The following ANKDD1A variants were observed in gnomAD, a reference collection of about 807,000 sequenced individuals.
The protein encoded by ANKDD1A is ankyrin repeat and death domain-containing protein 1A.
Under a neutral mutation model 63.5 loss-of-function variants are expected in ANKDD1A, and 59 were observed. The ratio of observed to expected loss-of-function variants is 0.93; its 90% CI spans 0.75 to 1.15. The LOEUF (loss-of-function observed/expected upper bound fraction) is 1.15. Ranked by LOEUF, ANKDD1A falls within the 50% of genes most tolerant of loss-of-function variation. The probability of loss-of-function intolerance (pLI) is 0.00; values close to 1 mark genes in which losing one functional copy is unlikely to be tolerated. For synonymous variants in ANKDD1A, 266 were observed against 263.9 expected (o/e 1.01, Z -0.08); for missense variants, 632 against 656.4 (o/e 0.96, Z 0.41).
In ANKDD1A at chr15:64,952,059, GTTC is replaced by G. The variant is rs995815363; in HGVS notation, c.1483+2091_1483+2093del. ...TCTTTCCTCTTCTTTCTTCTTCTTA[GTTC>G]TTCCTTTCTTCTTCTTCCTTCTTTT... On this transcript the variant is annotated intron_variant, in intron 14 of 14. Transcript: ENST00000319580. Among the ~76,000 whole-genome samples, 13 of 71,672 alleles carry G rather than the reference GTTC, an allele frequency of 1.8e-4. No individual in the cohort carries two copies. The East Asian group carries it at 2.7e-3, about 15-fold the overall frequency. 47.0% of individuals were successfully genotyped at this position (71,672 alleles called of 152,430 possible).
chr15:64,953,614 C>CCCT (rs1555397852), intron 14 of ANKDD1A, among the ~76,000 whole-genome samples: 968 of 19,950 alleles, frequency 0.049, 25 homozygotes, highest in Non-Finnish European at 0.1. Flanking sequence ...TTTCTTCTCT[C>CCCT]CTTCTTCTTC....
In ANKDD1A at chr15:64,922,000, A is replaced by C. The variant is rs772696532; in HGVS notation, c.347A>C (p.Lys116Thr). Reference sequence around the variant, plus strand: ...CAGATCTTGGTAAACTCAGGGGCCAAGATCCACTGTGAGAGCAAGGTAAGG... The same window carrying C: ...CAGATCTTGGTAAACTCAGGGGCCACGATCCACTGTGAGAGCAAGGTAAGG... ...ILQILVNSGA[K>T]IHCESKDGLT... is the part of the protein sequence containing the mutation. The change falls in exon 4 of 15, where the codon AAG becomes ACG. Residue 116 changes from lysine (K) to threonine (T), a missense_variant. Coordinates refer to ENST00000319580, the MANE Select transcript of ANKDD1A (RefSeq NM_182703.6). 6.2e-7 allele frequency: 1 copy of C among 1,614,176 alleles called. No individual in the cohort carries two copies. The highest frequency in any genetic ancestry group is 2.2e-5 in the East Asian group (1 of 44,872).
intron 9 of ANKDD1A, among the ~76,000 whole-genome samples, chr15:64,938,670 G>A (rs2085155134): frequency 6.6e-6 from 1 of 152,152 alleles, no homozygotes. Flanking sequence ...AGAAACTAAG[G>A]GCCAGACGCA....
rs76633124 is a variant in ANKDD1A, at chr15:64,950,418, G to T, written c.1483+446G>T. The T allele has an allele frequency of 2.1e-3, 2,102 of 985,374 alleles. 51 individuals carry two copies. The African/African-American group carries it at 0.035, about 16-fold the overall frequency. The allele number at this position is 985,374 out of a possible 1,614,324, so 61.0% of individuals were successfully genotyped here. A position where few individuals can be genotyped will look rare whatever the true frequency, so the allele number is the denominator to read the frequency against. ...TCTGAGGTCATCACAACTTATTTGAGTATGCCAATCTCAAAAGCCTGATAT... is the reference window on the plus strand; with the variant it reads ...TCTGAGGTCATCACAACTTATTTGATTATGCCAATCTCAAAAGCCTGATAT... On this transcript the variant is annotated intron_variant, in intron 14 of 14. Transcript: ENST00000319580.
At chr15:64,939,705 CT>C (rs1166308369) in intron 9 of ANKDD1A, among the ~76,000 whole-genome samples, 16 of 152,068 alleles carry the variant, frequency 1.1e-4, no homozygotes, top group African/African-American at 3.9e-4. Flanking sequence ...ATACGCCCAG[CT>C]GATTTTTATT....
intron 14 of ANKDD1A, among the ~76,000 whole-genome samples, chr15:64,956,276 G>A (rs187919780): frequency 3.5e-3 from 521 of 147,982 alleles, no homozygotes; most frequent in Admixed American, 9.3e-3. Context: ...TTGGCCGGGC[G>A]CAGTGGCTCA....
At chr15:64,924,236 G>T (rs945782654) in intron 4 of ANKDD1A, among the ~76,000 whole-genome samples, 1 of 152,222 alleles carries the variant, frequency 6.6e-6, no homozygotes, top group African/African-American at 2.4e-5. Context: ...TCTTTAGGGA[G>T]TTCAGCCTAG....
intron 1 of ANKDD1A, among the ~76,000 whole-genome samples, chr15:64,913,636 A>G (rs963494937): frequency 6.6e-6 from 1 of 152,316 alleles, no homozygotes; most frequent in Admixed American, 6.5e-5. Flanking sequence ...GGTTGTATCC[A>G]TGAGGCCCCA....
Position 64,948,870 on chromosome 15 carries a change from G to C in ANKDD1A, c.1352-971G>C, listed in dbSNP as rs192722062. 9.2e-5 allele frequency among the ~76,000 whole-genome samples: 14 copies of C among 152,250 alleles called. No individual in the cohort carries two copies. In the East Asian group the frequency reaches 1.5e-3, roughly 17 times the overall value. ...TTCCTGACACAAAAATATGCAAATTGACATTTGCATATCAATTTGGGATAG... is the reference window on the plus strand; with the variant it reads ...TTCCTGACACAAAAATATGCAAATTCACATTTGCATATCAATTTGGGATAG... On this transcript the variant is annotated intron_variant, in intron 13 of 14. Transcript: ENST00000319580.
rs981409695 is a variant in ANKDD1A at position 64,933,583 on chromosome 15, C to A, written c.769-553C>A. On this transcript the variant is annotated intron_variant, in intron 8 of 14. Coordinates refer to ENST00000319580, the MANE Select transcript of ANKDD1A (RefSeq NM_182703.6). ...TCCTGGCCAGGTGCGGTGGCTCACGCCTGTAATCCCAGCACTTTGGGAGGC... is the reference window on the plus strand; with the variant it reads ...TCCTGGCCAGGTGCGGTGGCTCACGACTGTAATCCCAGCACTTTGGGAGGC... Among the ~76,000 whole-genome samples the A allele has an allele frequency of 6.0e-5, 9 of 151,236 alleles. 1 individual carries two copies. The highest frequency in any genetic ancestry group is 4.6e-4 in the Admixed American group (7 of 15,132).
intron 14 of ANKDD1A, among the ~76,000 whole-genome samples, chr15:64,951,720 C>CGTTATTCCTTTCTTTTCTTTCTTT (rs1276132353): frequency 7.3e-6 from 1 of 136,252 alleles, no homozygotes; most frequent in African/African-American, 2.7e-5. Flanking sequence ...TCTTTTTCTT[C>CGTTATTCCTTTCTTTTCTTTCTTT]CCTTTTCTTC....
chr15:64,943,444 C>A, intron 10 of ANKDD1A, 40 bp from the exon 11 acceptor site: 2 of 1,586,470 alleles, frequency 1.3e-6, no homozygotes, highest in Non-Finnish European at 8.7e-7. Context: ...GCCACCCCTA[C>A]ATGCTTTTCA....
chr15:64,954,704 C>T (rs1460704061), intron 14 of ANKDD1A, among the ~76,000 whole-genome samples: 2 of 125,502 alleles, frequency 1.6e-5, no homozygotes, highest in African/African-American at 6.3e-5. Flanking sequence ...TGTTCTTCTC[C>T]TTCTTCTTCT....
At chr15:64,927,378 G>A (rs1461519690) in intron 6 of ANKDD1A, among the ~76,000 whole-genome samples, 2 of 152,208 alleles carry the variant, frequency 1.3e-5, no homozygotes, top group African/African-American at 2.4e-5. Context: ...GTTGACAGAT[G>A]TGGGGAAGTG....
At chr15:64,922,883 T>G (rs1157284342) in intron 4 of ANKDD1A, among the ~76,000 whole-genome samples, 1 of 152,226 alleles carries the variant, frequency 6.6e-6, no homozygotes, top group African/African-American at 2.4e-5. Flanking sequence ...AATTTAGCTA[T>G]TTTCATATCA....
chr15:64,927,012 T>A lies in ANKDD1A; in HGVS notation c.570+13T>A. The A allele has an allele frequency of 6.2e-7, 1 of 1,614,048 alleles. No individual in the cohort carries two copies. Among genetic ancestry groups the A allele is most frequent in the South Asian group, 1.1e-5 (1 of 91,080 alleles). On this transcript the variant is annotated intron_variant, in intron 6 of 14. Transcript: ENST00000319580. ...TGTCAAAGACAAGGTACCGTGTCCG[T>A]GAGGCTCTGGGATCCTGACCAGGGT...
intron 1 of ANKDD1A, among the ~76,000 whole-genome samples, chr15:64,914,529 A>G (rs1357225077): frequency 6.6e-6 from 1 of 152,164 alleles, no homozygotes; most frequent in Non-Finnish European, 1.5e-5. Flanking sequence ...CCTGGCTTCA[A>G]GCCATCCTCC....
rs370698584 is a variant in ANKDD1A at position 64,926,090 on chromosome 15, G to A, written c.391G>A (p.Ala131Thr). ...SKDGLTLLHC[A>T]AQKGHVPVLA... ...GGATGGCCTGACCTTACTGCACTGC[G>A]CAGCCCAAAAAGGCCATGTGCCTGT... The change falls in exon 5 of 15, where the codon GCA becomes ACA. Residue 131 changes from alanine (A) to threonine (T), a missense_variant. Coordinates refer to ENST00000319580, the MANE Select transcript of ANKDD1A (RefSeq NM_182703.6). 3.9e-5 allele frequency: 63 copies of A among 1,613,686 alleles called. No homozygotes were observed. Among genetic ancestry groups the A allele is most frequent in the Non-Finnish European group, 4.4e-5 (52 of 1,179,946 alleles).
chr15:64,940,427 G>T (rs1214271062), intron 9 of ANKDD1A, among the ~76,000 whole-genome samples: 1 of 104,292 alleles, frequency 9.6e-6, no homozygotes, highest in African/African-American at 3.2e-5. Context: ...TAGATAGATA[G>T]ATAGATATAT....
Sources: gnomAD v4.1 joint callset for allele counts (sites outside exome capture counted in the v4.1 genomes callset) on GRCh38, gnomAD v4.1.1 for gene constraint, MANE v1.5 for transcripts, NCBI Gene and HGNC (gene_info 2026-07-23, HGNC 2026-07-21) for gene names.